PAPLN: variants seen among roughly 807,000 people sequenced by gnomAD.
PAPLN encodes the protein papilin, proteoglycan like sulfated glycoprotein.
In PAPLN, 146 loss-of-function variants were observed where a neutral mutation model predicts 159.0. The ratio of observed to expected loss-of-function variants is 0.92; its 90% CI spans 0.80 to 1.05. PAPLN has a LOEUF of 1.05. Among genes scored for constraint, PAPLN ranks in the 50% least tolerant of loss-of-function variants. The probability of loss-of-function intolerance (pLI) is 0.00; values close to 1 mark genes in which losing one functional copy is unlikely to be tolerated. For synonymous variants in PAPLN, 734 were observed against 702.9 expected (o/e 1.04, Z -0.70); for missense variants, 1,720 against 1,743.9 (o/e 0.99, Z 0.24).
intron 5 of PAPLN, among the ~76,000 whole-genome samples, chr14:73,249,008 A>C (rs557551237): frequency 6.6e-6 from 1 of 152,062 alleles, no homozygotes; most frequent in East Asian, 1.9e-4. Flanking sequence ...GCATGTGCCT[A>C]TAGTCCCAAC....
rs1166270080 is a variant in PAPLN, at chr14:73,265,591, T to G, written c.3263+84T>G. On this transcript the variant is annotated intron_variant, in intron 23 of 26. Transcript: ENST00000644200. The surrounding 1 kb of genome is among the most constrained non-coding windows in gnomAD (Gnocchi z 4.1). Reference sequence around the variant, plus strand: ...GGAGGCCACCGGGGAAGGGAGCTGCTAGCGCATGGTCATGGCCAGTCCTGA... The same window carrying G: ...GGAGGCCACCGGGGAAGGGAGCTGCGAGCGCATGGTCATGGCCAGTCCTGA... 26 of 1,558,422 alleles carry G rather than the reference T, an allele frequency of 1.7e-5. No homozygotes were observed. In the Admixed American group the frequency reaches 4.2e-4, roughly 25 times the overall value.
In PAPLN at chr14:73,239,824, G is replaced by T; in HGVS notation, c.46G>T (p.Gly16Trp). Residue 16 changes from glycine (G) to tryptophan (W), a missense_variant, in exon 2 of 27, where the codon GGG becomes TGG. Gly to Trp is a radical substitution (Grantham distance 184, BLOSUM62 -2). Transcript: ENST00000644200. ...LVPLLLAPAP[G>W]SSAPKVRRQS... is the part of the protein sequence containing the mutation. ...GCCGCTGCTGCTGGCTCCAGCGCCC[G>T]GGTCCTCGGTGAGTGCGGTCCTGCC... 1 of 1,590,522 alleles carries T rather than the reference G, an allele frequency of 6.3e-7. No individual in the cohort carries two copies. Among genetic ancestry groups the T allele is most frequent in the Non-Finnish European group, 8.5e-7 (1 of 1,174,372 alleles).
In PAPLN at chr14:73,262,431, T is replaced by C; in HGVS notation, c.2327T>C (p.Val776Ala). 6.2e-7 allele frequency: 1 copy of C among 1,613,942 alleles called. No individual in the cohort carries two copies. Among genetic ancestry groups the C allele is most frequent in the South Asian group, 1.1e-5 (1 of 91,076 alleles). ...WAARWYFVAS[V>A]GQCNRFWYGG... ...GCCCGCTGGTACTTCGTTGCCTCTGTGGGCCAATGTAACCGCTTCTGGTAT... is the reference window on the plus strand; with the variant it reads ...GCCCGCTGGTACTTCGTTGCCTCTGCGGGCCAATGTAACCGCTTCTGGTAT... Residue 776 changes from valine (V) to alanine (A), a missense_variant, in exon 19 of 27, where the codon GTG becomes GCG. Physicochemically the swap from Val to Ala is moderately conservative, Grantham distance 64. Coordinates refer to ENST00000644200, the MANE Select transcript of PAPLN (RefSeq NM_001365906.3).
At chr14:73,260,918 C>A in intron 17 of PAPLN, 89 bp downstream of exon 17, 1 of 1,473,186 alleles carries the variant, frequency 6.8e-7, no homozygotes. Context: ...GCCGCTTTGG[C>A]CTCGGAGAAA....
chr14:73,269,503 T>C (rs1467728756), intron 26 of PAPLN, among the ~76,000 whole-genome samples: 2 of 152,188 alleles, frequency 1.3e-5, no homozygotes, highest in Non-Finnish European at 2.9e-5. Context: ...ATACCATCAA[T>C]TAGGATGCAA....
chr14:73,240,858 A>G (rs1344854337), intron 2 of PAPLN, among the ~76,000 whole-genome samples: 1 of 152,180 alleles, frequency 6.6e-6, no homozygotes, highest in Non-Finnish European at 1.5e-5. Flanking sequence ...GCCTGGCAGA[A>G]TAGAAGCCAC....
intron 17 of PAPLN, 21 bp downstream of exon 17, chr14:73,260,850 A>G (rs773481884): frequency 2.0e-6 from 3 of 1,492,092 alleles, no homozygotes; most frequent in African/African-American, 2.8e-5. Flanking sequence ...GGCCTGGGGG[A>G]GGGGAGCAGG....
intron 11 of PAPLN, 54 bp from the exon 12 acceptor site, chr14:73,253,700 T>C: frequency 2.7e-6 from 4 of 1,489,732 alleles, no homozygotes; most frequent in Non-Finnish European, 3.6e-6. Context: ...CCCTCAGGGC[T>C]GGGTTTCTGC....
chr14:73,264,064 C>T, intron 20 of PAPLN, 147 bp from the exon 21 acceptor site: 1 of 1,548,572 alleles, frequency 6.5e-7, no homozygotes, highest in Non-Finnish European at 8.7e-7. Context: ...ACAGCCTCCC[C>T]TGAAGCATAT....
In PAPLN at chr14:73,260,739, C is replaced by T. The variant is rs143172977; in HGVS notation, c.2016C>T (p.Val672=). Residue 672 remains valine (V), a synonymous_variant, in exon 17 of 27, where the codon GTC becomes GTT. Transcript: ENST00000644200. ...RYGCCPDRVS[V]AEGPHHAGCT... ...GGTGCTGCCCTGACAGGGTATCTGT[C>T]GCTGAGGGGCCCCATCACGCTGGCT... 31 of 1,475,926 alleles carry T rather than the reference C, an allele frequency of 2.1e-5. No individual in the cohort carries two copies. The highest frequency in any genetic ancestry group is 1.3e-4 in the Admixed American group (5 of 38,660). The allele number at this position is 1,475,926 out of a possible 1,614,324, so 91.4% of individuals were successfully genotyped here.
intron 19 of PAPLN, 78 bp downstream of exon 19, chr14:73,262,905 G>C: frequency 7.9e-7 from 1 of 1,267,898 alleles, no homozygotes; most frequent in Non-Finnish European, 1.0e-6. Flanking sequence ...AACCCCTGAA[G>C]TCAGCCGGCC....
Position 73,265,370 on chromosome 14 carries a change from G to C in PAPLN, c.3126G>C (p.Arg1042Ser). 1 of 1,608,498 alleles carries C rather than the reference G, an allele frequency of 6.2e-7. No individual in the cohort carries two copies. Residue 1042 changes from arginine to serine, a missense_variant and splice_region_variant, in exon 23 of 27, where the codon AGG becomes AGC. Arg to Ser is a moderately radical substitution (Grantham distance 110). Transcript: ENST00000644200. The surrounding 1 kb of genome is among the most constrained non-coding windows in gnomAD (Gnocchi z 4.1). ...ATGCTGTGGGCTGCTTGTTTGGCAG[G>C]CTGCGTTTGGACCAGAACCAGCCCC... ...IPSSHPQPANRLRLDQNQPRV... is the reference protein window; with the variant it reads ...IPSSHPQPANSLRLDQNQPRV...
chr14:73,270,282 C>T (rs1594838862), intron 26 of PAPLN, among the ~76,000 whole-genome samples: 3 of 152,362 alleles, frequency 2.0e-5, no homozygotes, highest in South Asian at 2.1e-4. Flanking sequence ...GCGGCTTCCG[C>T]ACTGGGTGCT....
chr14:73,254,568 A>G lies in PAPLN; in HGVS notation c.1358A>G (p.Glu453Gly). The change falls in exon 13 of 27, where the codon GAA becomes GGA. Residue 453 changes from glutamate to glycine, a missense_variant. Glu to Gly is a moderately conservative substitution (Grantham distance 98, BLOSUM62 -2). Transcript: ENST00000644200. ...VRKRSVTCRGERGSLLHTAAC... is the reference protein window; with the variant it reads ...VRKRSVTCRGGRGSLLHTAAC... Reference sequence around the variant, plus strand: ...AAGCGGAGCGTTACTTGCCGGGGTGAAAGGGGTTCTTTGCTCCATACCGCA... The same window carrying G: ...AAGCGGAGCGTTACTTGCCGGGGTGGAAGGGGTTCTTTGCTCCATACCGCA... 1.2e-6 allele frequency: 2 copies of G among 1,614,004 alleles called. No individual in the cohort carries two copies. The highest frequency in any genetic ancestry group is 4.5e-5 in the East Asian group (2 of 44,886).
At chr14:73,260,926 A>G (rs1886510313) in intron 17 of PAPLN, 97 bp downstream of exon 17, 2 of 1,459,104 alleles carry the variant, frequency 1.4e-6, no homozygotes, top group Admixed American at 2.6e-5. Context: ...GGCCTCGGAG[A>G]AAGGAGGTCC....
chr14:73,247,651 T>TGTGTGTGTGTGC (rs1884578876), intron 5 of PAPLN, among the ~76,000 whole-genome samples: 1 of 140,176 alleles, frequency 7.1e-6, no homozygotes, highest in African/African-American at 2.7e-5. Flanking sequence ...TCTCTTATCC[T>TGTGTGTGTGTGC]GTGTGTGTGT....
intron 12 of PAPLN, among the ~76,000 whole-genome samples, 166 bp downstream of exon 12, chr14:73,254,127 A>G (rs1308117250): frequency 6.6e-6 from 1 of 152,078 alleles, no homozygotes; most frequent in Non-Finnish European, 1.5e-5. Context: ...AAGTGTCTGG[A>G]TGAGTGGTCC....
rs201201042 is a variant in PAPLN, at chr14:73,262,679, C to T, written c.2575C>T (p.Arg859Trp). 1.4e-3 allele frequency: 2,040 copies of T among 1,508,394 alleles called. 3 individuals are homozygous for T. Among genetic ancestry groups the T allele is most frequent in the Non-Finnish European group, 1.6e-3 (1,785 of 1,127,674 alleles). The allele number at this position is 1,508,394 out of a possible 1,614,324, so 93.4% of individuals were successfully genotyped here. Residue 859 changes from arginine to tryptophan, a missense_variant, in exon 19 of 27, where the codon CGG (arginine) becomes TGG (tryptophan). Transcript: ENST00000644200. The part of the protein sequence containing the change: ...RKPWPSGGLW[R>W]QDQQPGPGEA... ...GCCCTGGCCTTCTGGTGGTCTCTGG[C>T]GGCAAGACCAACAGCCTGGGCCAGG...
chr14:73,259,428 C>T lies in PAPLN; in HGVS notation c.1868C>T (p.Ser623Leu), dbSNP rs371327227. Residue 623 changes from serine (S) to leucine (L), a missense_variant, in exon 16 of 27, where the codon TCG becomes TTG. Physicochemically the swap from Ser to Leu is moderately radical, Grantham distance 145 (BLOSUM62 -2). Coordinates refer to ENST00000644200, the MANE Select transcript of PAPLN (RefSeq NM_001365906.3). ...QQPPYQQPLR[S>L]GSGPHDCRHS... The stretch of plus-strand genomic sequence containing the variant: ...CCCCCATACCAGCAACCCCTGCGGT[C>T]GGGCTCAGGGCCCCACGACTGCAGA... 67 of 1,612,920 alleles carry T rather than the reference C, an allele frequency of 4.2e-5. No individual in the cohort carries two copies. Among genetic ancestry groups the T allele is most frequent in the African/African-American group, 2.8e-4 (21 of 75,024 alleles).
Sources: gnomAD v4.1 joint callset for allele counts (sites outside exome capture counted in the v4.1 genomes callset) on GRCh38, gnomAD v4.1.1 for gene constraint, Gnocchi (gnomAD v3.1) non-coding constraint, MANE v1.5 for transcripts, NCBI Gene and HGNC (gene_info 2026-07-23, HGNC 2026-07-21) for gene names.